Variants in PDE1C observed in about 807,000 individuals in gnomAD.
PDE1C encodes dual specificity calcium/calmodulin-dependent 3',5'-cyclic nucleotide phosphodiesterase 1C.
PDE1C carries 62 observed loss-of-function variants against 93.1 expected under a neutral mutation model. The ratio of observed to expected loss-of-function variants is 0.67; its 90% CI spans 0.54 to 0.82. The LOEUF (loss-of-function observed/expected upper bound fraction) is 0.82. Ranked by LOEUF, PDE1C falls within the 40% of genes least tolerant of loss-of-function variation. The pLI is 0.00. For missense variants in PDE1C, 742 were observed against 884.6 expected (o/e 0.84, Z 2.04); for synonymous variants, 325 against 310.1 (o/e 1.05, Z -0.50).
In PDE1C at chr7:31,784,269, C is replaced by T. The variant is rs977491078; in HGVS notation, c.1892-8537G>A. On this transcript the variant is annotated intron_variant, in intron 16 of 17. Coordinates refer to ENST00000396191, the MANE Select transcript of PDE1C (RefSeq NM_001191057.4). ...TGTATTTAATGCATAGGGTGCTACGCATCCTAAAGAGAAAAACCCTGTGAG... is the reference window on the plus strand; with the variant it reads ...TGTATTTAATGCATAGGGTGCTACGTATCCTAAAGAGAAAAACCCTGTGAG... 10 of 152,226 alleles carry T rather than the reference C, an allele frequency of 6.6e-5. 3 individuals carry two copies. The highest frequency in any genetic ancestry group is 2.4e-5 in the African/African-American group (1 of 41,534). 9.4% of individuals were successfully genotyped at this position (152,226 alleles called of 1,614,324 possible). A position where few individuals can be genotyped will look rare whatever the true frequency, so the allele number is the denominator to read the frequency against.
intron 1 of PDE1C, among the ~76,000 whole-genome samples, chr7:32,395,503 G>A (rs1784826004): frequency 6.6e-6 from 1 of 152,200 alleles, no homozygotes; most frequent in Non-Finnish European, 1.5e-5. Context: ...GGGGGGTAGT[G>A]GTAGAGGAGG....
At position 31,752,776 on chromosome 7, in the gene PDE1C, T is replaced by C. The variant is rs1021529351; in HGVS notation, c.*608A>G. On this transcript the variant is annotated 3_prime_UTR_variant, in exon 18 of 18. Transcript: ENST00000396191. ...TTTTTGTTTTTTAACTTGGATTTGC[T>C]TTATAAGCGTGAATTCTGAAATGTC... is the stretch of plus-strand genomic sequence containing the variant. The C allele has an allele frequency of 3.3e-5, 5 of 152,196 alleles. No homozygotes were observed. Among genetic ancestry groups the C allele is most frequent in the African/African-American group, 1.2e-4 (5 of 41,456 alleles). 9.4% of individuals were successfully genotyped at this position (152,196 alleles called of 1,614,324 possible).
At chr7:32,014,735 T>C (rs1483588281) in intron 2 of PDE1C, among the ~76,000 whole-genome samples, 1 of 152,208 alleles carries the variant, frequency 6.6e-6, no homozygotes, top group African/African-American at 2.4e-5. Flanking sequence ...CCTGTGTCAG[T>C]TGGCTGAGAA....
intron 1 of PDE1C, among the ~76,000 whole-genome samples, chr7:32,294,287 C>T (rs1204490326): frequency 6.6e-6 from 1 of 152,218 alleles, no homozygotes; most frequent in Admixed American, 6.5e-5. Flanking sequence ...GCTGTTGCTA[C>T]AGGAAACACA....
chr7:32,180,277 C>T (rs985563011), intron 2 of PDE1C, among the ~76,000 whole-genome samples: 1 of 152,152 alleles, frequency 6.6e-6, no homozygotes, highest in African/African-American at 2.4e-5. Flanking sequence ...CCTTATCATA[C>T]ACATCAGGGG....
intron 2 of PDE1C, among the ~76,000 whole-genome samples, chr7:31,900,668 T>C (rs1196163158): frequency 2.0e-5 from 3 of 151,764 alleles, no homozygotes; most frequent in Non-Finnish European, 4.4e-5. Flanking sequence ...TATAGCAATA[T>C]ATATTCATAT....
chr7:31,737,313 A>T, the PDE1C span, among the ~76,000 whole-genome samples: 6 of 152,144 alleles, frequency 3.9e-5, 1 homozygote, highest in South Asian at 1.2e-3. Flanking sequence ...TATAGAAAAA[A>T]ATATATAGAT....
intron 2 of PDE1C, among the ~76,000 whole-genome samples, chr7:31,929,018 G>A (rs1324432192): frequency 6.6e-6 from 1 of 152,006 alleles, no homozygotes; most frequent in Non-Finnish European, 1.5e-5. Flanking sequence ...AGACCCATTG[G>A]TGTGCTGTAT....
At chr7:32,204,826 C>T (rs576791734) in intron 2 of PDE1C, among the ~76,000 whole-genome samples, 1 of 152,316 alleles carries the variant, frequency 6.6e-6, no homozygotes, top group East Asian at 1.9e-4. Flanking sequence ...CGTTCTGACT[C>T]TCCCAGCTCC....
chr7:32,084,313 A>G (rs1029985555), intron 3 of PDE1C, among the ~76,000 whole-genome samples: 1 of 151,578 alleles, frequency 6.6e-6, no homozygotes, highest in African/African-American at 2.4e-5. Flanking sequence ...TATCCTAAAT[A>G]TATATGCACC....
the PDE1C span, among the ~76,000 whole-genome samples, chr7:31,645,759 G>C: frequency 1.3e-5 from 2 of 152,158 alleles, no homozygotes; most frequent in Non-Finnish European, 2.9e-5. Flanking sequence ...CACAACGGGA[G>C]GGGGGTGGTT....
chr7:31,829,460 GTAA>G (rs1370032140), intron 11 of PDE1C, among the ~76,000 whole-genome samples: 2 of 152,164 alleles, frequency 1.3e-5, no homozygotes, highest in African/African-American at 4.8e-5. Context: ...ATAAATTAAT[GTAA>G]TAGCAAATAA....
Position 32,240,402 on chromosome 7 carries a change from G to A in PDE1C, c.86-30863C>T, listed in dbSNP as rs377394817. Among the ~76,000 whole-genome samples, 93 of 152,282 alleles carry A rather than the reference G, an allele frequency of 6.1e-4. 1 individual carries two copies. In the Middle Eastern group the frequency reaches 0.01, roughly 17 times the overall value. On this transcript the variant is annotated intron_variant, in intron 1 of 18. Transcript: ENST00000396193. Reference sequence around the variant, plus strand: ...AAAATGGTAAGTCCCAGATTTTGCAGAGCTTACAAGAGGAAAGGCAGAAAA... The same window carrying A: ...AAAATGGTAAGTCCCAGATTTTGCAAAGCTTACAAGAGGAAAGGCAGAAAA...
intron 3 of PDE1C, chr7:32,078,149 T>C (rs1796458761): frequency 2.3e-6 from 1 of 432,506 alleles, no homozygotes; most frequent in Admixed American, 6.4e-5. Flanking sequence ...GTTCTTCCTA[T>C]CACTGTAAAG....
intron 1 of PDE1C, among the ~76,000 whole-genome samples, chr7:32,424,186 C>T (rs542086923): frequency 2.5e-4 from 38 of 152,294 alleles, no homozygotes; most frequent in African/African-American, 8.7e-4. Context: ...GGTCCCCACA[C>T]GGGCTTTGGT....
chr7:31,901,659 C>A (rs955680388), intron 2 of PDE1C, among the ~76,000 whole-genome samples: 3 of 151,030 alleles, frequency 2.0e-5, no homozygotes, highest in Admixed American at 6.6e-5. Flanking sequence ...CAAGTAATTT[C>A]TAAACAAAAA....
At chr7:31,879,958 A>C (rs1324038517) in intron 3 of PDE1C, among the ~76,000 whole-genome samples, 1 of 152,154 alleles carries the variant, frequency 6.6e-6, no homozygotes, top group African/African-American at 2.4e-5. Context: ...AGCGGAGGAA[A>C]CATAACATTT....
intron 2 of PDE1C, among the ~76,000 whole-genome samples, chr7:32,205,661 C>G (rs1043799279): frequency 6.6e-6 from 1 of 152,200 alleles, no homozygotes; most frequent in Non-Finnish European, 1.5e-5. Flanking sequence ...TTCCTTCCCC[C>G]TTTGCAATGA....
At chr7:32,319,044 G>A (rs942372747) in intron 1 of PDE1C, among the ~76,000 whole-genome samples, 6 of 152,210 alleles carry the variant, frequency 3.9e-5, no homozygotes, top group Non-Finnish European at 7.3e-5. Flanking sequence ...AAGGGCAGAG[G>A]AAGCAGGCGG....
Sources: allele counts gnomAD v4.1 joint callset (sites outside exome capture counted in the v4.1 genomes callset), GRCh38; gene constraint gnomAD v4.1.1; transcripts MANE v1.5; gene names NCBI Gene and HGNC (gene_info 2026-07-23, HGNC 2026-07-21).